ANAPC1: variants seen among roughly 807,000 people sequenced by gnomAD.
ANAPC1 encodes anaphase promoting complex subunit 1.
ANAPC1 carries 36 observed loss-of-function variants against 208.0 expected under a neutral mutation model. The ratio of observed to expected loss-of-function variants is 0.17; its 90% CI spans 0.13 to 0.23. The LOEUF is 0.23. Among genes scored for constraint, ANAPC1 ranks in the 10% least tolerant of loss-of-function variants. The pLI is 1.00. For missense variants in ANAPC1, 942 were observed against 2,011.6 expected (o/e 0.47, Z 10.17); for synonymous variants, 378 against 695.2 (o/e 0.54, Z 7.18).
At chr2:111,845,799 C>CCCGT (rs1681022805) in intron 16 of ANAPC1, among the ~76,000 whole-genome samples, 3 of 151,712 alleles carry the variant, frequency 2.0e-5, no homozygotes, top group Admixed American at 2.0e-4. Context: ...ACAGTGAAAC[C>CCCGT]CCGTCTCTAC....
chr2:111,863,141 T>C (rs139915952), intron 9 of ANAPC1, among the ~76,000 whole-genome samples: 2 of 152,022 alleles, frequency 1.3e-5, no homozygotes, highest in African/African-American at 4.8e-5. Flanking sequence ...GCAACTAACC[T>C]TAGGTCAAGC....
chr2:111,790,538 G>A (rs1409157930), intron 38 of ANAPC1, among the ~76,000 whole-genome samples: 4 of 152,026 alleles, frequency 2.6e-5, no homozygotes, highest in East Asian at 1.9e-4. Context: ...CAATAGCAGC[G>A]GGAAAAAAAC....
At chr2:111,858,983 A>G (rs1490900579) in intron 10 of ANAPC1, among the ~76,000 whole-genome samples, 1 of 152,208 alleles carries the variant, frequency 6.6e-6, no homozygotes, top group Non-Finnish European at 1.5e-5. Context: ...TAAATTACAT[A>G]CTATGTAAGC....
At chr2:111,834,105 C>T (rs1321760767) in intron 19 of ANAPC1, among the ~76,000 whole-genome samples, 3 of 152,160 alleles carry the variant, frequency 2.0e-5, no homozygotes, top group Non-Finnish European at 4.4e-5. Context: ...CCTCAGACTG[C>T]AACAAGGACA....
chr2:111,788,357 T>C (rs1677682548), intron 38 of ANAPC1, 37 bp from the exon 39 acceptor site: 1 of 1,610,910 alleles, frequency 6.2e-7, no homozygotes, highest in Admixed American at 1.7e-5. Flanking sequence ...ATGTTATTGA[T>C]TATATTGCAC....
intron 42 of ANAPC1, 42 bp from the exon 43 acceptor site, chr2:111,782,549 A>G: frequency 6.2e-7 from 1 of 1,611,728 alleles, no homozygotes; most frequent in Non-Finnish European, 8.5e-7. Flanking sequence ...TATTACTGGC[A>G]GTTCTTGGCT....
At chr2:111,830,931 C>G (rs528570494) in intron 21 of ANAPC1, among the ~76,000 whole-genome samples, 1 of 152,210 alleles carries the variant, frequency 6.6e-6, no homozygotes, top group African/African-American at 2.4e-5. Flanking sequence ...TCACATAAAA[C>G]GCTAAGCATG....
At chr2:111,779,451 T>C (rs1373129072) in intron 44 of ANAPC1, 7 of 151,286 alleles carry the variant, frequency 4.6e-5, no homozygotes, top group African/African-American at 7.3e-5. Flanking sequence ...TAATCACTTT[T>C]AGAAATGAGG....
At chr2:111,881,330 T>C (rs187478241) in intron 1 of ANAPC1, among the ~76,000 whole-genome samples, 178 of 152,244 alleles carry the variant, frequency 1.2e-3, no homozygotes, top group African/African-American at 3.6e-3. Flanking sequence ...TCATCAGAGG[T>C]TGAACTGCTT....
chr2:111,795,132 C>G (rs1260673810), intron 34 of ANAPC1: 1 of 306,396 alleles, frequency 3.3e-6, no homozygotes, highest in South Asian at 3.3e-5. Flanking sequence ...GACTGTAATC[C>G]CAGCACTTTG....
rs544608058 is a variant in ANAPC1 at position 111,832,700 on chromosome 2, C to T, written c.2476+520G>A. On this transcript the variant is annotated intron_variant, in intron 20 of 47. Transcript: ENST00000341068. ...ATCCCAGCACTTTGGGAGGCCGAGG[C>T]GGGTGGATCACGAGGTCAGGAGATC... 3.3e-5 allele frequency among the ~76,000 whole-genome samples: 5 copies of T among 152,090 alleles called. No individual in the cohort carries two copies. The East Asian group carries it at 7.7e-4, about 24-fold the overall frequency.
intron 29 of ANAPC1, among the ~76,000 whole-genome samples, chr2:111,807,489 A>G (rs1259454268): frequency 6.6e-6 from 1 of 152,224 alleles, no homozygotes; most frequent in Non-Finnish European, 1.5e-5. Context: ...CAGGAGATCC[A>G]GACTATCCTG....
Position 111,792,431 on chromosome 2 carries a change from C to A in ANAPC1, c.4643G>T (p.Gly1548Val). The change falls in exon 38 of 48, where the codon GGT becomes GTT. Residue 1548 changes from glycine to valine, a missense_variant. By Grantham distance (109) the Gly-to-Val change is moderately radical. Coordinates refer to ENST00000341068, the MANE Select transcript of ANAPC1 (RefSeq NM_022662.4). ...TAAGTGAAAACCATAGTTCATTTCACCACCCGTTTTCATGTGTAAGAAGCG... is the reference window on the plus strand; with the variant it reads ...TAAGTGAAAACCATAGTTCATTTCAACACCCGTTTTCATGTGTAAGAAGCG... ...LCRFLHMKTG[G>V]EMNYGFHLAH... is the part of the protein sequence containing the mutation. 1 of 1,612,118 alleles carries A rather than the reference C, an allele frequency of 6.2e-7. No homozygotes were observed. The highest frequency in any genetic ancestry group is 8.5e-7 in the Non-Finnish European group (1 of 1,179,172).
At chr2:111,794,018 C>T in intron 37 of ANAPC1, 60 bp downstream of exon 37, 2 of 1,056,794 alleles carry the variant, frequency 1.9e-6, no homozygotes, top group Non-Finnish European at 1.3e-6. Context: ...GTAACTGGAT[C>T]ATCAGTAAAT....
chr2:111,773,134 G>A (rs1423909486), intron 46 of ANAPC1, among the ~76,000 whole-genome samples: 12 of 152,276 alleles, frequency 7.9e-5, no homozygotes, highest in Non-Finnish European at 1.3e-4. Flanking sequence ...TTTTCAATAA[G>A]AGACATTCTC....
chr2:111,769,822 A>C (rs1676630276), intron 47 of ANAPC1, among the ~76,000 whole-genome samples: 1 of 147,200 alleles, frequency 6.8e-6, no homozygotes, highest in Non-Finnish European at 1.5e-5. Context: ...CTGGGACTAC[A>C]GGTGCCCACC....
chr2:111,841,765 C>T (rs1166486211), intron 17 of ANAPC1, among the ~76,000 whole-genome samples: 1 of 151,998 alleles, frequency 6.6e-6, no homozygotes, highest in Non-Finnish European at 1.5e-5. Flanking sequence ...GGCCACTGGA[C>T]TGAGAAGAGA....
intron 15 of ANAPC1, 23 bp from the exon 16 acceptor site, chr2:111,847,221 G>T (rs746660043): frequency 6.3e-7 from 1 of 1,592,952 alleles, no homozygotes; most frequent in South Asian, 1.1e-5. Flanking sequence ...AAATGAGAAA[G>T]TAGATAAAAT....
intron 39 of ANAPC1, among the ~76,000 whole-genome samples, chr2:111,787,457 G>A (rs1277655426): frequency 1.3e-5 from 2 of 151,422 alleles, no homozygotes; most frequent in African/African-American, 2.4e-5. Context: ...AGTTTAAAAT[G>A]ATGGCTTAGG....
Sources: gnomAD v4.1 joint callset for allele counts (sites outside exome capture counted in the v4.1 genomes callset) on GRCh38, gnomAD v4.1.1 for gene constraint, MANE v1.5 for transcripts, NCBI Gene and HGNC (gene_info 2026-07-23, HGNC 2026-07-21) for gene names.